TTC22: variants seen among roughly 807,000 people sequenced by gnomAD.
TTC22 encodes tetratricopeptide repeat domain 22.
TTC22 carries 42 observed loss-of-function variants against 48.2 expected under a neutral mutation model. The ratio of observed to expected loss-of-function variants is 0.87; its 90% CI spans 0.68 to 1.13. The LOEUF (loss-of-function observed/expected upper bound fraction) is 1.13. Ranked by LOEUF, TTC22 falls within the 50% of genes most tolerant of loss-of-function variation. TTC22 has a pLI of 0.00. For missense variants in TTC22, 784 were observed against 807.0 expected (o/e 0.97, Z 0.34); for synonymous variants, 345 against 365.5 (o/e 0.94, Z 0.64).
rs916580956 is a variant in TTC22, at chr1:54,787,003, T to C, written c.812A>G (p.His271Arg). ...GTCGGTCCCTGAGTACCCGCAGTCA[T>C]GGACGCCCATGGGGGTGGTGGAGAA... ...DTFSTTPMGV[H>R]DCGYSGTDPL... is the part of the protein sequence containing the mutation. The change falls in exon 4 of 7, where the codon CAT becomes CGT. Residue 271 changes from histidine to arginine, a missense_variant. Coordinates refer to ENST00000371276, the MANE Select transcript of TTC22 (RefSeq NM_001114108.2). The C allele has an allele frequency of 6.4e-7, 1 of 1,564,488 alleles. No individual in the cohort carries two copies.
chr1:54,782,625 G>C, intron 5 of TTC22, 148 bp from the exon 6 acceptor site: 3 of 805,662 alleles, frequency 3.7e-6, no homozygotes, highest in Non-Finnish European at 5.6e-6. Context: ...GGACCCAGGA[G>C]TCCTAGGTCC....
chr1:54,782,387 C>G lies in TTC22; in HGVS notation c.1111G>C (p.Ala371Pro). 1 of 1,551,420 alleles carries G rather than the reference C, an allele frequency of 6.4e-7. No individual in the cohort carries two copies. The highest frequency in any genetic ancestry group is 8.7e-7 in the Non-Finnish European group (1 of 1,146,902). The change falls in exon 6 of 7, where the codon GCT (alanine) becomes CCT (proline). Residue 371 changes from alanine (A) to proline (P), a missense_variant. Coordinates refer to ENST00000371276, the MANE Select transcript of TTC22 (RefSeq NM_001114108.2). ...PDRNHLACAK[A>P]DLEEVVRVCP... ...ACCCTGACCACTTCCTCAAGGTCAG[C>G]CTTGGCACAGGCCAGGTGGTTCCTG...
chr1:54,797,511 G>A (rs1646401328), intron 1 of TTC22, among the ~76,000 whole-genome samples: 1 of 152,292 alleles, frequency 6.6e-6, no homozygotes, highest in Middle Eastern at 3.4e-3. Flanking sequence ...AGCCAGGCAC[G>A]ATGACAGGTG....
intron 5 of TTC22, among the ~76,000 whole-genome samples, chr1:54,782,789 A>G (rs1300558204): frequency 2.0e-5 from 3 of 152,236 alleles, no homozygotes; most frequent in Non-Finnish European, 4.4e-5. Context: ...TGCTGGGTAC[A>G]GGAGGTACCG....
chr1:54,797,518 G>A (rs1202261670), intron 1 of TTC22, among the ~76,000 whole-genome samples: 2 of 152,158 alleles, frequency 1.3e-5, no homozygotes, highest in Non-Finnish European at 2.9e-5. Flanking sequence ...CACGATGACA[G>A]GTGCCTGTAA....
intron 5 of TTC22, chr1:54,784,542 A>C (rs1249336643): frequency 9.9e-7 from 1 of 1,015,030 alleles, no homozygotes. Flanking sequence ...CAGACCATGA[A>C]CTTGAAAGTG....
intron 5 of TTC22, chr1:54,784,820 C>G (rs1646287862): frequency 7.7e-7 from 1 of 1,299,830 alleles, no homozygotes; most frequent in South Asian, 1.2e-5. Context: ...TCGGCTTCCT[C>G]AAGCACATGG....
Position 54,781,343 on chromosome 1 carries a change from GCCA to G in TTC22, c.1607_1609del (p.Val536del). The G allele has an allele frequency of 1.2e-5, 17 of 1,409,344 alleles. No individual in the cohort carries two copies. Among genetic ancestry groups the G allele is most frequent in the African/African-American group, 1.5e-5 (1 of 65,994 alleles). The allele number at this position is 1,409,344 out of a possible 1,614,324, so 87.3% of individuals were successfully genotyped here. ...CCGCACCAGCGCCGGCCGTCCCTGG[GCCA>G]CCAGGGCCCGGGCCAGCCCCAACAC... On this transcript the variant is annotated inframe_deletion, in exon 7 of 7. Transcript: ENST00000371276.
rs772681942 is a variant in TTC22 at position 54,800,700 on chromosome 1, T to C, written c.464A>G (p.Tyr155Cys). ...GCAGCCGACGTCGAAGCCATGCGCG[T>C]AGCCCTGCTCGGCCAGGCAGCGAGC... ...RAARCLAEQG[Y>C]AHGFDVGCAS... The change falls in exon 1 of 7, where the codon TAC becomes TGC. Residue 155 changes from tyrosine to cysteine, a missense_variant. Tyr to Cys is a radical substitution (Grantham distance 194, BLOSUM62 -2). Coordinates refer to ENST00000371276, the MANE Select transcript of TTC22 (RefSeq NM_001114108.2). 3.2e-6 allele frequency: 5 copies of C among 1,549,524 alleles called. No individual in the cohort carries two copies. In the East Asian group the frequency reaches 1.2e-4, roughly 37 times the overall value.
Position 54,788,061 on chromosome 1 carries a change from T to C in TTC22, c.604A>G (p.Met202Val), listed in dbSNP as rs1258636323. The change falls in exon 2 of 7, where the codon ATG becomes GTG. Residue 202 changes from methionine (M) to valine (V), a missense_variant. By Grantham distance (21) the Met-to-Val change is conservative (BLOSUM62 1). Coordinates refer to ENST00000371276, the MANE Select transcript of TTC22 (RefSeq NM_001114108.2). ...CCTGACCTGATGTAGAGTGTTGCCA[T>C]GGTGAAATACCAGCCCCTTTTCTCC... The part of the protein sequence containing the change: ...MEEKRGWYFT[M>V]ATLYIRLDGI... The C allele has an allele frequency of 5.6e-6, 9 of 1,613,878 alleles. No individual in the cohort carries two copies. The East Asian group carries it at 1.1e-4, about 20-fold the overall frequency.
At position 54,781,551 on chromosome 1, in the gene TTC22, G is replaced by C. The variant is rs1250497448; in HGVS notation, c.1402C>G (p.His468Asp). The stretch of plus-strand genomic sequence containing the variant: ...AGCAGGCAGCCGAAGCCGTCGGTGT[G>C]GCTGGAGCCCGCGTCGTCCAGCTCC... ...AVELDDAGSS[H>D]TDGFGCLLEA... The change falls in exon 7 of 7, where the codon CAC becomes GAC. Residue 468 changes from histidine (H) to aspartate (D), a missense_variant. Coordinates refer to ENST00000371276, the MANE Select transcript of TTC22 (RefSeq NM_001114108.2). The C allele has an allele frequency of 6.6e-7, 1 of 1,519,252 alleles. No individual in the cohort carries two copies. The highest frequency in any genetic ancestry group is 2.0e-5 in the Admixed American group (1 of 49,744). 94.1% of individuals were successfully genotyped at this position (1,519,252 alleles called of 1,614,324 possible).
chr1:54,787,113 G>A (rs1437922058), intron 3 of TTC22, 38 bp from the exon 4 acceptor site: 4 of 1,189,276 alleles, frequency 3.4e-6, no homozygotes, highest in Non-Finnish European at 4.6e-6. Context: ...CTAGGAAGCA[G>A]CAGGGTGGAG....
intron 1 of TTC22, among the ~76,000 whole-genome samples, chr1:54,798,889 A>T (rs1646411844): frequency 6.6e-6 from 1 of 152,234 alleles, no homozygotes; most frequent in South Asian, 2.1e-4. Context: ...AGAGACGACA[A>T]GTGACTTGTC....
Position 54,781,169 on chromosome 1 carries a change from T to A in TTC22, c.*74A>T, listed in dbSNP as rs1370563195. On this transcript the variant is annotated 3_prime_UTR_variant, in exon 7 of 7. Coordinates refer to ENST00000371276, the MANE Select transcript of TTC22 (RefSeq NM_001114108.2). ...AGGTCAGCCTAAGGCAGGGAGTCCA[T>A]CCGGACCTGGTCCCATCAGCTGGGC... 3.5e-6 allele frequency: 4 copies of A among 1,138,822 alleles called. No individual in the cohort carries two copies. In the South Asian group the frequency reaches 5.8e-5, roughly 16 times the overall value. 70.5% of individuals were successfully genotyped at this position (1,138,822 alleles called of 1,614,324 possible).
At position 54,782,363 on chromosome 1, in the gene TTC22, C is replaced by A. The variant is rs1296383289; in HGVS notation, c.1135G>T (p.Val379Leu). Residue 379 changes from valine (V) to leucine (L), a missense_variant, in exon 6 of 7, where the codon GTG becomes TTG. Transcript: ENST00000371276. ...AGGTACGCCTTGAAGCCTGGGCACACCCTGACCACTTCCTCAAGGTCAGCC... is the reference window on the plus strand; with the variant it reads ...AGGTACGCCTTGAAGCCTGGGCACAACCTGACCACTTCCTCAAGGTCAGCC... Reference protein sequence around the residue: ...AKADLEEVVRVCPGFKAYLDI... With the variant: ...AKADLEEVVRLCPGFKAYLDI... 3.9e-6 allele frequency: 6 copies of A among 1,550,654 alleles called. No individual in the cohort carries two copies. Among genetic ancestry groups the A allele is most frequent in the Admixed American group, 2.0e-5 (1 of 50,904 alleles).
intron 4 of TTC22, chr1:54,786,371 G>A (rs968584627): frequency 1.9e-5 from 9 of 481,134 alleles, no homozygotes; most frequent in Non-Finnish European, 3.0e-5. Flanking sequence ...CCTGGCCCAC[G>A]ACCACATCAC....
At chr1:54,785,123 T>C (rs1646290301) in intron 5 of TTC22, 1 of 194,452 alleles carries the variant, frequency 5.1e-6, no homozygotes. Context: ...GCAAGAGTAT[T>C]TTGCCAAAGG....
intron 1 of TTC22, among the ~76,000 whole-genome samples, chr1:54,798,602 C>T (rs1321085637): frequency 2.6e-5 from 4 of 152,220 alleles, no homozygotes; most frequent in Admixed American, 6.5e-5. Context: ...CCCTTTGGAC[C>T]ATTCCCAGAA....
rs1646436691 is a variant in TTC22 at position 54,801,274 on chromosome 1, A to C, written c.-111T>G. The C allele has an allele frequency of 8.8e-7, 1 of 1,141,926 alleles. No homozygotes were observed. Among genetic ancestry groups the C allele is most frequent in the Admixed American group, 2.7e-5 (1 of 36,428 alleles). 70.7% of individuals were successfully genotyped at this position (1,141,926 alleles called of 1,614,324 possible). On this transcript the variant is annotated 5_prime_UTR_variant, in exon 1 of 7. Coordinates refer to ENST00000371276, the MANE Select transcript of TTC22 (RefSeq NM_001114108.2). The stretch of plus-strand genomic sequence containing the variant: ...GTGCGGGAGGCGAGGGGCAGCCGGC[A>C]GAGGCCCCGGGCGCTGCGGCCTCTC...
Sources: allele counts gnomAD v4.1 joint callset (sites outside exome capture counted in the v4.1 genomes callset), GRCh38; gene constraint gnomAD v4.1.1; transcripts MANE v1.5; gene names NCBI Gene and HGNC (gene_info 2026-07-23, HGNC 2026-07-21).